RANBP2: variants seen among roughly 807,000 people sequenced by gnomAD.
RANBP2 encodes the protein RAN binding protein 2.
RANBP2 carries 57 observed loss-of-function variants against 303.6 expected under a neutral mutation model. That is an observed-to-expected ratio of 0.19 (90% confidence interval 0.15 to 0.23). The LOEUF is 0.23. Among genes scored for constraint, RANBP2 ranks in the 10% least tolerant of loss-of-function variants. RANBP2 has a pLI of 1.00. For missense variants in RANBP2, 3,138 were observed against 3,780.8 expected, an observed-to-expected ratio of 0.83 and a Z score of 4.46; for synonymous variants, 1,167 against 1,301.5, an observed-to-expected ratio of 0.90 and a Z score of 2.23.
At chr2:109,163,373 A>T in the RANBP2 span, among the ~76,000 whole-genome samples, 1 of 147,122 alleles carries the variant, frequency 6.8e-6, no homozygotes, top group Non-Finnish European at 1.5e-5. Flanking sequence ...TCAATAGATT[A>T]ACCAAGAGCA....
chr2:109,377,173 A>G, the RANBP2 span, among the ~76,000 whole-genome samples: 1 of 152,346 alleles, frequency 6.6e-6, no homozygotes. Flanking sequence ...CTAATTGAGC[A>G]GCTTTTCAGG....
Position 108,765,096 on chromosome 2 carries a change from C to T in RANBP2, c.4557C>T (p.Ala1519=). Residue 1519 remains alanine (A), a synonymous_variant, in exon 20 of 29, where the codon GCC becomes GCT. Transcript: ENST00000283195. ...SLPATSIPTP[A]SFKFGTSETS... is the part of the protein sequence containing the mutation. ...CTGCTACTTCTATTCCAACACCTGCCTCTTTTAAGTTTGGTACTTCAGAGA... is the reference window on the plus strand; with the variant it reads ...CTGCTACTTCTATTCCAACACCTGCTTCTTTTAAGTTTGGTACTTCAGAGA... The T allele has an allele frequency of 1.9e-6, 3 of 1,613,896 alleles. No individual in the cohort carries two copies. Among genetic ancestry groups the T allele is most frequent in the East Asian group, 2.2e-5 (1 of 44,870 alleles).
the RANBP2 span, among the ~76,000 whole-genome samples, chr2:109,683,695 G>A: frequency 1.3e-5 from 2 of 151,926 alleles, no homozygotes; most frequent in Non-Finnish European, 2.9e-5. Context: ...GACCTTGCAG[G>A]ACCCTTTGCC....
the RANBP2 span, among the ~76,000 whole-genome samples, chr2:109,194,286 T>C: frequency 6.6e-6 from 1 of 152,190 alleles, no homozygotes; most frequent in Non-Finnish European, 1.5e-5. Context: ...GCCGGTCTTG[T>C]GTTTCTTACC....
rs536928876 is a variant in RANBP2 at position 108,754,655 on chromosome 2, T to C, written c.2203-250T>C. Among the ~76,000 whole-genome samples the C allele has an allele frequency of 8.7e-3, 1,321 of 151,766 alleles. 15 individuals carry two copies. The highest frequency in any genetic ancestry group is 9.9e-3 in the Non-Finnish European group (671 of 67,914). ...GAGCATGGACTTTAGAATCAGAAGA[T>C]GTTAGATTGTACAACACTTTTCTGT... On this transcript the variant is annotated intron_variant, in intron 15 of 28. Transcript: ENST00000283195.
At chr2:109,585,815 C>T in the RANBP2 span, 3 of 1,607,744 alleles carry the variant, frequency 1.9e-6, no homozygotes, top group African/African-American at 4.0e-5. Context: ...CAGACATAGT[C>T]AACGAACGAA....
the RANBP2 span, among the ~76,000 whole-genome samples, chr2:108,967,171 C>A: frequency 6.6e-6 from 1 of 152,158 alleles, no homozygotes; most frequent in Non-Finnish European, 1.5e-5. Flanking sequence ...CTGCCCTCAA[C>A]TGATCCACCT....
chr2:108,983,097 C>A, the RANBP2 span, among the ~76,000 whole-genome samples: 1 of 152,342 alleles, frequency 6.6e-6, no homozygotes, highest in African/African-American at 2.4e-5. Flanking sequence ...GCTTACAAAT[C>A]CCACTCTAAA....
At chr2:109,736,563 C>T in the RANBP2 span, among the ~76,000 whole-genome samples, 1 of 152,082 alleles carries the variant, frequency 6.6e-6, no homozygotes, top group African/African-American at 2.4e-5. Flanking sequence ...TGGAGAGTGA[C>T]GGACTACGCA....
the RANBP2 span, chr2:109,564,649 G>C: frequency 1.1e-5 from 10 of 885,108 alleles, no homozygotes; most frequent in Non-Finnish European, 1.4e-5. Flanking sequence ...AATAGCAAAT[G>C]ATCAGTTTGA....
the RANBP2 span, among the ~76,000 whole-genome samples, chr2:109,028,283 T>G: frequency 6.6e-6 from 1 of 152,044 alleles, no homozygotes; most frequent in Non-Finnish European, 1.5e-5. Context: ...AAGAAATAAA[T>G]AAAATAAAAA....
chr2:109,406,554 C>T, the RANBP2 span, among the ~76,000 whole-genome samples: 1 of 152,164 alleles, frequency 6.6e-6, no homozygotes, highest in Non-Finnish European at 1.5e-5. Flanking sequence ...CAACAAACAC[C>T]AGGCTGAGTC....
the RANBP2 span, chr2:109,614,408 C>T: frequency 9.5e-7 from 1 of 1,053,254 alleles, no homozygotes; most frequent in Middle Eastern, 3.6e-4. Context: ...GACTCCGCCG[C>T]CGTCGGGAGC....
chr2:108,851,826 CCT>C, the RANBP2 span, among the ~76,000 whole-genome samples: 2 of 152,092 alleles, frequency 1.3e-5, no homozygotes, highest in Non-Finnish European at 2.9e-5. Flanking sequence ...GAGACGAAAA[CCT>C]ATATATATAT....
chr2:109,404,023 A>G, the RANBP2 span, among the ~76,000 whole-genome samples: 1 of 152,152 alleles, frequency 6.6e-6, no homozygotes, highest in East Asian at 1.9e-4. Context: ...CCAAGACACC[A>G]GGCACCAGAC....
At chr2:108,774,212 T>C (rs1357839859) in intron 23 of RANBP2, among the ~76,000 whole-genome samples, 3 of 152,222 alleles carry the variant, frequency 2.0e-5, no homozygotes, top group Admixed American at 2.0e-4. Context: ...TGTGGTTGCA[T>C]TCAATTTGCA....
chr2:108,791,783 T>C, the RANBP2 span: 1 of 1,590,156 alleles, frequency 6.3e-7, no homozygotes, highest in Non-Finnish European at 8.6e-7. Flanking sequence ...CCAAGCAGTC[T>C]TTTAAAGAAA....
the RANBP2 span, among the ~76,000 whole-genome samples, chr2:108,823,445 A>AT: frequency 1.3e-5 from 2 of 152,250 alleles, no homozygotes; most frequent in Non-Finnish European, 2.9e-5. Context: ...ATAGGACCAC[A>AT]TTCTGAGAAA....
chr2:109,714,275 T>C, the RANBP2 span, among the ~76,000 whole-genome samples: 1 of 152,062 alleles, frequency 6.6e-6, no homozygotes, highest in African/African-American at 2.4e-5. Flanking sequence ...TGTGTGTGTG[T>C]GTGTTTTTCT....
Sources: allele counts gnomAD v4.1 joint callset (sites outside exome capture counted in the v4.1 genomes callset), GRCh38; gene constraint gnomAD v4.1.1; transcripts MANE v1.5; gene names NCBI Gene and HGNC (gene_info 2026-07-23, HGNC 2026-07-21).